The following BAIAP2L1 variants were observed in gnomAD, a reference collection of about 807,000 sequenced individuals.
BAIAP2L1 encodes BAR/IMD domain containing adaptor protein 2 like 1.
BAIAP2L1 carries 35 observed loss-of-function variants against 66.3 expected under a neutral mutation model. The observed-to-expected ratio is 0.53, with a 90% CI of 0.40 to 0.70. The LOEUF is 0.70. Ranked by LOEUF, BAIAP2L1 falls within the 30% of genes least tolerant of loss-of-function variation. The pLI, the probability that BAIAP2L1 is intolerant of heterozygous loss-of-function variation, is 0.00. For synonymous variants in BAIAP2L1, 269 were observed against 248.7 expected, an observed-to-expected ratio of 1.08 and a Z score of -0.77; for missense variants, 622 against 656.9, an observed-to-expected ratio of 0.95 and a Z score of 0.58.
chr7:98,375,575 C>T (rs1471019050), intron 1 of BAIAP2L1, among the ~76,000 whole-genome samples: 1 of 151,224 alleles, frequency 6.6e-6, no homozygotes, highest in Non-Finnish European at 1.5e-5. Flanking sequence ...TATGGAGAAA[C>T]CCCATCTCTA....
intron 1 of BAIAP2L1, among the ~76,000 whole-genome samples, chr7:98,399,637 T>C (rs1213779755): frequency 6.6e-6 from 1 of 152,232 alleles, no homozygotes; most frequent in African/African-American, 2.4e-5. Flanking sequence ...GCGCCTAGGC[T>C]GAATTAAAAC....
intron 3 of BAIAP2L1, among the ~76,000 whole-genome samples, chr7:98,354,200 G>A (rs1463492932): frequency 2.6e-5 from 4 of 151,356 alleles, no homozygotes; most frequent in African/African-American, 4.9e-5. Context: ...GTCTTTTATG[G>A]GTCAGTTAAG....
chr7:98,388,284 G>A (rs746009687), intron 1 of BAIAP2L1, among the ~76,000 whole-genome samples: 8 of 152,294 alleles, frequency 5.3e-5, no homozygotes, highest in Middle Eastern at 3.4e-3. Flanking sequence ...TACAACCATC[G>A]GGGATGACAC....
intron 6 of BAIAP2L1, 49 bp downstream of exon 6, chr7:98,317,170 T>C: frequency 6.2e-7 from 1 of 1,612,638 alleles, no homozygotes; most frequent in Non-Finnish European, 8.5e-7. Context: ...TCTTAAACTG[T>C]GCAAATTGTC....
intron 1 of BAIAP2L1, among the ~76,000 whole-genome samples, chr7:98,388,100 C>A (rs764844451): frequency 1.3e-5 from 2 of 152,094 alleles, no homozygotes; most frequent in Non-Finnish European, 2.9e-5. Context: ...AGTAAACACA[C>A]GCTATGCCTA....
chr7:98,362,425 A>G lies in BAIAP2L1; in HGVS notation c.59T>C (p.Met20Thr). 1 of 1,600,864 alleles carries G rather than the reference A, an allele frequency of 6.2e-7. No homozygotes were observed. The highest frequency in any genetic ancestry group is 1.3e-5 in the African/African-American group (1 of 74,336). Residue 20 changes from methionine (M) to threonine (T), a missense_variant, in exon 2 of 14, where the codon ATG becomes ACG. By Grantham distance (81) the Met-to-Thr change is moderately conservative (BLOSUM62 -1). Transcript: ENST00000005260. ...TCGCAGCCCAGGATTGAACTGTTCC[A>G]TAACATTCTGCCAAACAAACAAAAC... ...RLTESTYRNV[M>T]EQFNPGLRNL...
At chr7:98,296,235 G>A (rs921042808) in intron 12 of BAIAP2L1, among the ~76,000 whole-genome samples, 6 of 152,248 alleles carry the variant, frequency 3.9e-5, no homozygotes, top group Non-Finnish European at 8.8e-5. Context: ...GTGATCGTGG[G>A]GGCCGGGAAC....
At chr7:98,299,762 C>A (rs374385052) in intron 12 of BAIAP2L1, among the ~76,000 whole-genome samples, 1 of 152,154 alleles carries the variant, frequency 6.6e-6, no homozygotes, top group Non-Finnish European at 1.5e-5. Context: ...TAAAATTTGC[C>A]GGGCGCAGTG....
At chr7:98,352,365 G>A (rs1802018335) in intron 3 of BAIAP2L1, among the ~76,000 whole-genome samples, 1 of 152,178 alleles carries the variant, frequency 6.6e-6, no homozygotes, top group Non-Finnish European at 1.5e-5. Flanking sequence ...CAAGTGGCTG[G>A]GCACGGTGGC....
chr7:98,310,266 A>G (rs2116871613), intron 9 of BAIAP2L1, 179 bp downstream of exon 9: 1 of 579,520 alleles, frequency 1.7e-6, no homozygotes, highest in East Asian at 3.2e-5. Context: ...AGCGTCTCAC[A>G]GTCTAGTCCT....
At chr7:98,302,013 C>T (rs577139839) in intron 12 of BAIAP2L1, among the ~76,000 whole-genome samples, 17 of 152,160 alleles carry the variant, frequency 1.1e-4, no homozygotes, top group African/African-American at 3.1e-4. Flanking sequence ...AGTGGGAAGC[C>T]GGTAAGAGGC....
In BAIAP2L1 at chr7:98,294,579, G is replaced by A. The variant is rs566122153; in HGVS notation, c.1423-468C>T. On this transcript the variant is annotated intron_variant, in intron 12 of 13. Transcript: ENST00000005260. The stretch of plus-strand genomic sequence containing the variant: ...CAAAATGAAGCTTGAGCAACAGAGC[G>A]ACATCACAGAAGAAAACATTTGTGC... Among the ~76,000 whole-genome samples, 38 of 152,288 alleles carry A rather than the reference G, an allele frequency of 2.5e-4. 1 individual carries two copies. The South Asian group carries it at 7.7e-3, about 31-fold the overall frequency.
intron 1 of BAIAP2L1, among the ~76,000 whole-genome samples, chr7:98,396,213 G>A (rs576430687): frequency 2.6e-5 from 4 of 152,076 alleles, no homozygotes; most frequent in Admixed American, 2.6e-4. Context: ...GGGACCCCAG[G>A]CACGTACCAC....
chr7:98,369,100 G>A (rs926978075), intron 1 of BAIAP2L1, among the ~76,000 whole-genome samples: 4 of 150,300 alleles, frequency 2.7e-5, no homozygotes, highest in East Asian at 2.0e-4. Flanking sequence ...ATTAGCACTC[G>A]GAGATTTCAC....
intron 7 of BAIAP2L1, 95 bp downstream of exon 7, chr7:98,315,365 G>A (rs1801035626): frequency 8.3e-7 from 1 of 1,203,984 alleles, no homozygotes; most frequent in East Asian, 2.9e-5. Flanking sequence ...CAAAGTGCTG[G>A]GATTACAGGC....
intron 13 of BAIAP2L1, 75 bp from the exon 14 acceptor site, chr7:98,293,671 C>A: frequency 1.4e-6 from 2 of 1,432,604 alleles, no homozygotes; most frequent in South Asian, 2.3e-5. Flanking sequence ...GCTAATAACC[C>A]GTTCTTGCCC....
chr7:98,368,805 ATTTTTT>A (rs35390626), intron 1 of BAIAP2L1, among the ~76,000 whole-genome samples: 3 of 147,758 alleles, frequency 2.0e-5, no homozygotes, highest in African/African-American at 7.5e-5. Flanking sequence ...ATCACTTTTT[ATTTTTT>A]TTTTTTGGCT....
chr7:98,316,508 G>C (rs1220343617), intron 6 of BAIAP2L1, among the ~76,000 whole-genome samples: 1 of 152,124 alleles, frequency 6.6e-6, no homozygotes, highest in East Asian at 1.9e-4. Flanking sequence ...TCAGCTCTCA[G>C]TCAAAATGCT....
intron 1 of BAIAP2L1, among the ~76,000 whole-genome samples, chr7:98,380,491 A>G (rs1292221224): frequency 6.6e-6 from 1 of 151,980 alleles, no homozygotes; most frequent in Non-Finnish European, 1.5e-5. Flanking sequence ...ATCTTGTGAG[A>G]CTTATTCACT....
Sources: allele counts gnomAD v4.1 joint callset (sites outside exome capture counted in the v4.1 genomes callset), GRCh38; gene constraint gnomAD v4.1.1; transcripts MANE v1.5; gene names NCBI Gene and HGNC (gene_info 2026-07-23, HGNC 2026-07-21).